Variants in FAM120C observed in about 807,000 individuals in gnomAD.
The protein encoded by FAM120C is family with sequence similarity 120 member C.
A neutral mutation model predicts 71.2 loss-of-function variants in FAM120C; 14 were observed. That is an observed-to-expected ratio of 0.20 (90% CI 0.13 to 0.31). The LOEUF (loss-of-function observed/expected upper bound fraction) is 0.31, where lower values mean the gene tolerates loss of function less well. Among genes scored for constraint, FAM120C ranks in the 10% least tolerant of loss-of-function variants. The probability of loss-of-function intolerance (pLI) is 1.00; values close to 1 mark genes in which losing one functional copy is unlikely to be tolerated. For synonymous variants in FAM120C, 354 were observed against 353.2 expected (o/e 1.00, Z -0.03); for missense variants, 500 against 879.0 (o/e 0.57, Z 5.45).
Position 54,072,954 on chromosome X carries a change from C to A in FAM120C, c.*79G>T. 7.3e-6 allele frequency: 8 copies of A among 1,090,666 alleles called. No homozygotes were observed. The highest frequency in any genetic ancestry group is 1.8e-5 in the African/African-American group (1 of 54,327). 89.9% of individuals were successfully genotyped at this position (1,090,666 alleles called of 1,213,427 possible). A position where few individuals can be genotyped will look rare whatever the true frequency, so the allele number is the denominator to read the frequency against. The stretch of plus-strand genomic sequence containing the variant: ...AGAAATCTAGGGTAAGCATTTATAT[C>A]CTCCTCTAGCTTGGGCCTAAAATCA... On this transcript the variant is annotated 3_prime_UTR_variant, in exon 16 of 16. Coordinates refer to ENST00000375180, the MANE Select transcript of FAM120C (RefSeq NM_017848.6).
chrX:54,105,779 G>A (rs2066903629), intron 10 of FAM120C, among the ~76,000 whole-genome samples: 1 of 111,414 alleles, frequency 9.0e-6, no homozygotes, highest in South Asian at 3.8e-4. Context: ...GACAAACAGA[G>A]CCAAATCATG....
At chrX:54,170,091 A>G (rs1557135742) in intron 1 of FAM120C, among the ~76,000 whole-genome samples, 1 of 111,740 alleles carries the variant, frequency 8.9e-6, no homozygotes, top group Non-Finnish European at 1.9e-5. Context: ...TGTTCAGTAC[A>G]CACTATTAAG....
chrX:54,158,691 C>T (rs1327628559), intron 2 of FAM120C, among the ~76,000 whole-genome samples: 1 of 111,118 alleles, frequency 9.0e-6, no homozygotes, highest in African/African-American at 3.3e-5. Context: ...ATCACTTGAA[C>T]CTGGGAGGCG....
In FAM120C at chrX:54,083,433, CCACACACACACA is replaced by C. The variant is rs781964795; in HGVS notation, c.2840-1985_2840-1974del. Among the ~76,000 whole-genome samples, 105 of 78,933 alleles carry C rather than the reference CCACACACACACA, an allele frequency of 1.3e-3. No homozygotes were observed. In the East Asian group the frequency reaches 0.02, roughly 15 times the overall value. The allele number at this position is 78,933 out of a possible 115,157, so 68.5% of individuals were successfully genotyped here. ...AGGGCAACATAGCGAGACCCCATCT[CCACACACACACA>C]CACACACACACACACACACACACAC... On this transcript the variant is annotated intron_variant, in intron 13 of 15. Coordinates refer to ENST00000375180, the MANE Select transcript of FAM120C (RefSeq NM_017848.6).
At chrX:54,144,251 G>A (rs782100685) in intron 4 of FAM120C, among the ~76,000 whole-genome samples, 1 of 111,042 alleles carries the variant, frequency 9.0e-6, no homozygotes, top group East Asian at 2.8e-4. Flanking sequence ...TTGAAAACTG[G>A]CACAAGACAG....
At chrX:54,167,151 A>G (rs1557135270) in intron 1 of FAM120C, among the ~76,000 whole-genome samples, 2 of 112,155 alleles carry the variant, frequency 1.8e-5, no homozygotes, top group Non-Finnish European at 3.8e-5. Context: ...TTTAAAAAAC[A>G]CTTATCTAGT....
At position 54,091,395 on chromosome X, in the gene FAM120C, G is replaced by A; in HGVS notation, c.2344C>T (p.Leu782=). The A allele has an allele frequency of 1.7e-6, 2 of 1,209,983 alleles. No homozygotes were observed. The highest frequency in any genetic ancestry group is 2.2e-6 in the Non-Finnish European group (2 of 893,853). ...AAGGTGTCTAGCTCATGGCGATGCA[G>A]GATTCGGCCACCAGGCCACTGAACC... ...YMVQWPGGRI[L]HRHELDTFLA... The change falls in exon 11 of 16, where the codon CTG becomes TTG. Residue 782 remains leucine, a synonymous_variant. Transcript: ENST00000375180.
At chrX:54,116,933 G>A (rs1557126681) in intron 9 of FAM120C, 139 bp from the exon 10 acceptor site, 1 of 713,682 alleles carries the variant, frequency 1.4e-6, no homozygotes, top group South Asian at 2.9e-5. Context: ...TTAGCAGCAG[G>A]AATAGTACAC....
chrX:54,115,214 G>A (rs1342510890), intron 10 of FAM120C, among the ~76,000 whole-genome samples: 1 of 112,442 alleles, frequency 8.9e-6, no homozygotes, highest in Non-Finnish European at 1.9e-5. Flanking sequence ...GTGTGTCTGA[G>A]TGTACACACA....
At chrX:54,117,188 A>C (rs2066972388) in intron 9 of FAM120C, among the ~76,000 whole-genome samples, 1 of 104,928 alleles carries the variant, frequency 9.5e-6, no homozygotes, top group Admixed American at 1.1e-4. Context: ...GAGAGATCCC[A>C]CCTCCACAGA....
chrX:54,072,423 A>G lies in FAM120C; in HGVS notation c.*610T>C, dbSNP rs2066715113. On this transcript the variant is annotated 3_prime_UTR_variant, in exon 16 of 16. Transcript: ENST00000375180. ...TTGAAGTGTATAAAATAAAAAATAA[A>G]AATTAAAATAACCAATACTACCTTA... 1 of 110,570 alleles carries G rather than the reference A, an allele frequency of 9.0e-6. No individual in the cohort carries two copies. Among genetic ancestry groups the G allele is most frequent in the Non-Finnish European group, 1.9e-5 (1 of 52,863 alleles). The allele number at this position is 110,570 out of a possible 1,213,427, so 9.1% of individuals were successfully genotyped here.
intron 8 of FAM120C, among the ~76,000 whole-genome samples, chrX:54,133,182 T>C (rs973865885): frequency 1.8e-5 from 2 of 111,779 alleles, no homozygotes; most frequent in East Asian, 5.6e-4. Flanking sequence ...CTACTAAAAA[T>C]ACAAAAGTTA....
intron 4 of FAM120C, among the ~76,000 whole-genome samples, chrX:54,150,444 C>A (rs1012524825): frequency 5.4e-5 from 6 of 111,603 alleles, no homozygotes; most frequent in Non-Finnish European, 9.4e-5. Flanking sequence ...TAAGTTGAAC[C>A]AACGTTAAGT....
chrX:54,135,649 T>A lies in FAM120C; in HGVS notation c.1259-45A>T, dbSNP rs1471070740. ...CTATACTTCAGTCAATCCTAATAAT[T>A]TTACCATGTTATATTCTGCTCACCC... On this transcript the variant is annotated intron_variant, in intron 5 of 15. Transcript: ENST00000375180. The A allele has an allele frequency of 3.4e-5, 36 of 1,068,685 alleles. 1 individual carries two copies. In the Admixed American group the frequency reaches 5.1e-4, roughly 15 times the overall value. The allele number at this position is 1,068,685 out of a possible 1,213,427, so 88.1% of individuals were successfully genotyped here.
chrX:54,112,976 C>T (rs1365249853), intron 10 of FAM120C, among the ~76,000 whole-genome samples: 1 of 110,122 alleles, frequency 9.1e-6, no homozygotes, highest in Non-Finnish European at 1.9e-5. Flanking sequence ...GCAGAGATCA[C>T]GCCATTGCAC....
At chrX:54,165,800 T>TA (rs11415127) in intron 1 of FAM120C, among the ~76,000 whole-genome samples, 2,020 of 108,958 alleles carry the variant, frequency 0.019, 45 homozygotes, top group African/African-American at 0.064. Context: ...ATAATAAAAA[T>TA]AAAAAAATAA....
intron 14 of FAM120C, 61 bp downstream of exon 14, chrX:54,081,261 C>T: frequency 9.0e-7 from 1 of 1,106,568 alleles, no homozygotes; most frequent in Non-Finnish European, 1.2e-6. Flanking sequence ...GGCATTTTTC[C>T]AAGGAGGCCT....
At chrX:54,106,912 G>A (rs1206991940) in intron 10 of FAM120C, among the ~76,000 whole-genome samples, 1 of 111,635 alleles carries the variant, frequency 9.0e-6, no homozygotes, top group Admixed American at 9.6e-5. Context: ...AGATGCTGGA[G>A]AGGACGTGGA....
chrX:54,113,759 A>T (rs191459850), intron 10 of FAM120C, among the ~76,000 whole-genome samples: 1,378 of 107,184 alleles, frequency 0.013, 22 homozygotes, highest in African/African-American at 0.043. Flanking sequence ...AAAAAAAAAA[A>T]TACAAAATTA....
Sources: gnomAD v4.1 joint callset for allele counts (sites outside exome capture counted in the v4.1 genomes callset) on GRCh38, gnomAD v4.1.1 for gene constraint, MANE v1.5 for transcripts, NCBI Gene and HGNC (gene_info 2026-07-23, HGNC 2026-07-21) for gene names.